Variants in ZNF564 observed in about 807,000 individuals in gnomAD.
ZNF564 encodes the protein zinc finger protein 564.
In ZNF564, 5 loss-of-function variants were observed where a neutral mutation model predicts 10.5. The ratio of observed to expected loss-of-function variants is 0.48; its 90% CI spans 0.25 to 1.00. ZNF564 has a LOEUF of 1.00. Among genes scored for constraint, ZNF564 ranks in the 50% least tolerant of loss-of-function variants. The pLI is 0.16. For synonymous variants in ZNF564, 242 were observed against 218.1 expected (o/e 1.11, Z -0.97); for missense variants, 603 against 669.7 (o/e 0.90, Z 1.10).
intron 1 of ZNF564, among the ~76,000 whole-genome samples, chr19:12,540,108 G>C (rs922192187): frequency 6.6e-6 from 1 of 152,090 alleles, no homozygotes; most frequent in African/African-American, 2.4e-5. Flanking sequence ...ATTGACATAG[G>C]GTTGAGTACA....
At chr19:12,550,952 T>G (rs1274616987) in intron 1 of ZNF564, among the ~76,000 whole-genome samples, 2 of 152,164 alleles carry the variant, frequency 1.3e-5, no homozygotes, top group Non-Finnish European at 2.9e-5. Context: ...AAAAAGACGA[T>G]GTACTGGGAA....
In ZNF564 at chr19:12,534,863, T is replaced by C. The variant is rs369563958; in HGVS notation, c.4-6167A>G. ...TCAACATATAACCTAACAATCATGC[T>C]CCTTGGTATTTATCAAAATAAGCTG... On this transcript the variant is annotated intron_variant, in intron 1 of 3. Coordinates refer to ENST00000339282, the MANE Select transcript of ZNF564 (RefSeq NM_144976.4). 7.6e-4 allele frequency among the ~76,000 whole-genome samples: 115 copies of C among 152,122 alleles called. 1 individual carries two copies. Among genetic ancestry groups the C allele is most frequent in the African/African-American group, 2.5e-3 (105 of 41,512 alleles).
chr19:12,532,654 C>T (rs1319375973), intron 1 of ZNF564, among the ~76,000 whole-genome samples: 1 of 149,792 alleles, frequency 6.7e-6, no homozygotes, highest in Non-Finnish European at 1.5e-5. Flanking sequence ...CCTGGGAGTT[C>T]AAGGCTGCAA....
At chr19:12,531,571 T>C (rs1232917466) in intron 1 of ZNF564, among the ~76,000 whole-genome samples, 1 of 137,816 alleles carries the variant, frequency 7.3e-6, no homozygotes, top group East Asian at 2.1e-4. Flanking sequence ...CCAAAAAAAA[T>C]AAAAAAAAAA....
intron 1 of ZNF564, among the ~76,000 whole-genome samples, chr19:12,535,744 G>A (rs1003335555): frequency 8.5e-5 from 13 of 152,240 alleles, no homozygotes; most frequent in African/African-American, 1.9e-4. Context: ...GGCCGGGTGC[G>A]GTGGCTCACG....
intron 1 of ZNF564, among the ~76,000 whole-genome samples, chr19:12,546,709 T>A (rs896413627): frequency 4.6e-5 from 7 of 152,080 alleles, no homozygotes; most frequent in Non-Finnish European, 1.0e-4. Flanking sequence ...CCAGCCTGGG[T>A]GACAGAGCAA....
chr19:12,548,722 C>G, intron 1 of ZNF564: 1 of 692,996 alleles, frequency 1.4e-6, no homozygotes, highest in Non-Finnish European at 2.6e-6. Context: ...ATTATTGTTA[C>G]TTCCATGACA....
Position 12,526,868 on chromosome 19 carries a change from T to G in ZNF564, c.1240A>C (p.Thr414Pro). ...CPSSFQIHER[T>P]HTGEKPYECQ... ...TCATAGGGTTTCTCTCCAGTGTGAGTTCTTTCGTGTATTTGAAATGAACTG... is the reference window on the plus strand; with the variant it reads ...TCATAGGGTTTCTCTCCAGTGTGAGGTCTTTCGTGTATTTGAAATGAACTG... The change falls in exon 4 of 4, where the codon ACT (threonine) becomes CCT (proline). Residue 414 changes from threonine (T) to proline (P), a missense_variant. By Grantham distance (38) the Thr-to-Pro change is conservative (BLOSUM62 -1). Transcript: ENST00000339282. 1 of 1,614,106 alleles carries G rather than the reference T, an allele frequency of 6.2e-7. No homozygotes were observed.
chr19:12,541,066 CAAAAAAAA>C (rs35848835), intron 1 of ZNF564, among the ~76,000 whole-genome samples: 1 of 59,736 alleles, frequency 1.7e-5, no homozygotes, highest in South Asian at 7.6e-4. Flanking sequence ...CCTGTCTCTA[CAAAAAAAA>C]AAAAAAAAAA....
chr19:12,547,105 T>G (rs992836205), intron 1 of ZNF564, among the ~76,000 whole-genome samples: 1 of 152,210 alleles, frequency 6.6e-6, no homozygotes, highest in Non-Finnish European at 1.5e-5. Context: ...GGTCTTGCTC[T>G]GTTGTCCAGG....
intron 1 of ZNF564, among the ~76,000 whole-genome samples, chr19:12,538,063 G>A (rs72999900): frequency 6.6e-6 from 1 of 151,910 alleles, no homozygotes; most frequent in Non-Finnish European, 1.5e-5. Flanking sequence ...AGTTAACTAA[G>A]TCTCAATAGA....
intron 1 of ZNF564, among the ~76,000 whole-genome samples, chr19:12,529,538 G>A (rs956374191): frequency 6.6e-6 from 1 of 151,784 alleles, no homozygotes; most frequent in Non-Finnish European, 1.5e-5. Context: ...CCCAGGAAGC[G>A]GAGGTTGCAG....
chr19:12,539,578 G>A (rs1412324308), intron 1 of ZNF564, among the ~76,000 whole-genome samples: 1 of 151,368 alleles, frequency 6.6e-6, no homozygotes, highest in African/African-American at 2.4e-5. Flanking sequence ...TGAGGCAGGA[G>A]AATCGCTTGA....
At chr19:12,535,699 C>T (rs1214916297) in intron 1 of ZNF564, among the ~76,000 whole-genome samples, 3 of 151,876 alleles carry the variant, frequency 2.0e-5, no homozygotes, top group Non-Finnish European at 4.4e-5. Flanking sequence ...GTAAATGTAC[C>T]ACAGTAATAC....
At chr19:12,545,407 A>G (rs1334825299) in intron 1 of ZNF564, among the ~76,000 whole-genome samples, 1 of 151,868 alleles carries the variant, frequency 6.6e-6, no homozygotes, top group African/African-American at 2.4e-5. Flanking sequence ...TAAGGTTCTG[A>G]CCTCTGGTGT....
intron 1 of ZNF564, chr19:12,548,797 G>A: frequency 2.8e-6 from 2 of 702,710 alleles, no homozygotes; most frequent in Non-Finnish European, 5.2e-6. Flanking sequence ...ATAGGATTTA[G>A]CATTAATCAC....
chr19:12,550,935 C>T (rs2022245192), intron 1 of ZNF564, among the ~76,000 whole-genome samples: 1 of 152,194 alleles, frequency 6.6e-6, no homozygotes, highest in Non-Finnish European at 1.5e-5. Flanking sequence ...AGACCAGTCC[C>T]CCGGAAAAAA....
rs796456887 is a variant in ZNF564, at chr19:12,548,984, G to A, written c.3+2346C>T. On this transcript the variant is annotated intron_variant, in intron 1 of 3. Coordinates refer to ENST00000339282, the MANE Select transcript of ZNF564 (RefSeq NM_144976.4). ...CCCTACTTATCTGAGATTCTTATCC[G>A]CAGTAGCATTCTCAAGGCTAAGTTC... The A allele has an allele frequency of 2.7e-4, 177 of 657,230 alleles. No individual in the cohort carries two copies. In the African/African-American group the frequency reaches 2.8e-3, roughly 10 times the overall value. The allele number at this position is 657,230 out of a possible 1,614,324, so 40.7% of individuals were successfully genotyped here.
At chr19:12,546,494 C>T (rs1158928570) in intron 1 of ZNF564, among the ~76,000 whole-genome samples, 3 of 151,994 alleles carry the variant, frequency 2.0e-5, no homozygotes, top group East Asian at 1.9e-4. Flanking sequence ...TCTGGGAGGC[C>T]GAGGTGGACG....
Sources: gnomAD v4.1 joint callset for allele counts (sites outside exome capture counted in the v4.1 genomes callset) on GRCh38, gnomAD v4.1.1 for gene constraint, MANE v1.5 for transcripts, NCBI Gene and HGNC (gene_info 2026-07-23, HGNC 2026-07-21) for gene names.